The following DCC variants were observed in gnomAD, a reference collection of about 807,000 sequenced individuals.
DCC encodes the protein netrin receptor DCC.
DCC carries 58 observed loss-of-function variants against 172.5 expected under a neutral mutation model. The observed-to-expected ratio is 0.34, with a 90% CI of 0.27 to 0.42. DCC has a LOEUF of 0.42. Among genes scored for constraint, DCC ranks in the 10% least tolerant of loss-of-function variants. The pLI, the probability that DCC is intolerant of heterozygous loss-of-function variation, is 1.00. For missense variants in DCC, 1,740 were observed against 1,791.0 expected, an observed-to-expected ratio of 0.97 and a Z score of 0.51; for synonymous variants, 709 against 644.5, an observed-to-expected ratio of 1.10 and a Z score of -1.52.
chr18:52,569,291 G>A (rs1326891801), intron 1 of DCC, among the ~76,000 whole-genome samples: 1 of 152,166 alleles, frequency 6.6e-6, no homozygotes, highest in African/African-American at 2.4e-5. Flanking sequence ...GTATAGATTT[G>A]CACAAATTAT....
At chr18:53,128,963 T>A (rs1041323027) in intron 7 of DCC, among the ~76,000 whole-genome samples, 1 of 149,404 alleles carries the variant, frequency 6.7e-6, no homozygotes, top group Non-Finnish European at 1.5e-5. Flanking sequence ...CTCAGCACAC[T>A]GCAACCTGCA....
intron 7 of DCC, among the ~76,000 whole-genome samples, chr18:53,132,759 G>T (rs2043677832): frequency 6.6e-6 from 1 of 152,014 alleles, no homozygotes; most frequent in Non-Finnish European, 1.5e-5. Flanking sequence ...GTCAGGCCAG[G>T]GTTCATCTTC....
chr18:52,653,507 G>T (rs1301283238), intron 1 of DCC, among the ~76,000 whole-genome samples: 1 of 152,044 alleles, frequency 6.6e-6, no homozygotes. Context: ...TAATTACATC[G>T]ATGAATAATT....
intron 7 of DCC, among the ~76,000 whole-genome samples, chr18:53,099,654 T>C (rs1176382621): frequency 1.3e-5 from 2 of 152,130 alleles, no homozygotes; most frequent in African/African-American, 2.4e-5. Context: ...CCTCTAATGA[T>C]TGACAACAGG....
intron 24 of DCC, among the ~76,000 whole-genome samples, chr18:53,467,186 A>G (rs916138960): frequency 1.3e-5 from 2 of 152,134 alleles, no homozygotes; most frequent in Admixed American, 1.3e-4. Context: ...ATATATTCAT[A>G]TACACATAGA....
intron 1 of DCC, among the ~76,000 whole-genome samples, chr18:52,588,657 G>A (rs1967181200): frequency 6.6e-6 from 1 of 152,150 alleles, no homozygotes; most frequent in African/African-American, 2.4e-5. Context: ...TGTTTAAGCT[G>A]AGACTTCAAG....
chr18:53,140,237 G>T (rs1290489434), intron 7 of DCC, among the ~76,000 whole-genome samples: 1 of 152,048 alleles, frequency 6.6e-6, no homozygotes, highest in Non-Finnish European at 1.5e-5. Flanking sequence ...GATTTGCTCA[G>T]TTTTAAAATA....
At chr18:53,483,116 CTT>C (rs1020177637) in intron 25 of DCC, among the ~76,000 whole-genome samples, 8 of 151,830 alleles carry the variant, frequency 5.3e-5, no homozygotes, top group Non-Finnish European at 8.8e-5. Flanking sequence ...AAAATTATAA[CTT>C]ATTTCTTTAA....
intron 7 of DCC, among the ~76,000 whole-genome samples, chr18:53,149,527 C>A (rs959853901): frequency 1.3e-5 from 2 of 152,174 alleles, no homozygotes; most frequent in Non-Finnish European, 2.9e-5. Context: ...GATGCCCTAG[C>A]CACCTCGCCA....
At chr18:52,482,107 T>C (rs2144584723) in intron 1 of DCC, among the ~76,000 whole-genome samples, 1 of 152,160 alleles carries the variant, frequency 6.6e-6, no homozygotes, top group East Asian at 1.9e-4. Context: ...CCCACCCATA[T>C]GCAACGCTTA....
chr18:53,246,480 C>G (rs569326590), intron 12 of DCC, among the ~76,000 whole-genome samples: 34 of 151,406 alleles, frequency 2.2e-4, no homozygotes, highest in Admixed American at 1.1e-3. Flanking sequence ...TATCTCAGCT[C>G]ATATTTCTTT....
Position 53,276,733 on chromosome 18 carries a change from A to G in DCC, c.1912-28845A>G, listed in dbSNP as rs183554907. 8.5e-4 allele frequency among the ~76,000 whole-genome samples: 130 copies of G among 152,176 alleles called. 1 individual carries two copies. The highest frequency in any genetic ancestry group is 2.8e-3 in the African/African-American group (115 of 41,562). ...CTTGAGTAGAAAGGAGCTTGGGAGA[A>G]GAAAGAGCCAAAATTGACAGTGGGA... is the stretch of plus-strand genomic sequence containing the variant. On this transcript the variant is annotated intron_variant, in intron 12 of 28. Transcript: ENST00000442544.
chr18:53,440,054 C>T (rs948952147), intron 22 of DCC, among the ~76,000 whole-genome samples: 13 of 151,692 alleles, frequency 8.6e-5, no homozygotes, highest in Admixed American at 6.6e-4. Flanking sequence ...CGTGAGCCAC[C>T]GCGCCCGGCC....
intron 2 of DCC, among the ~76,000 whole-genome samples, chr18:52,893,380 T>C (rs2039680721): frequency 6.6e-6 from 1 of 152,138 alleles, no homozygotes; most frequent in Admixed American, 6.5e-5. Flanking sequence ...ATGTATTCAA[T>C]GACTGCCACT....
intron 27 of DCC, among the ~76,000 whole-genome samples, chr18:53,525,508 C>T (rs1175804739): frequency 6.6e-6 from 1 of 151,978 alleles, no homozygotes; most frequent in Non-Finnish European, 1.5e-5. Flanking sequence ...ATGCTTATGT[C>T]AGGATTTACC....
intron 5 of DCC, among the ~76,000 whole-genome samples, chr18:52,965,288 G>A (rs1718092883): frequency 6.6e-6 from 1 of 152,076 alleles, no homozygotes. Flanking sequence ...AACAGACTAA[G>A]TACTAGAAGT....
chr18:52,525,767 G>A (rs1175004262), intron 1 of DCC, among the ~76,000 whole-genome samples: 1 of 152,160 alleles, frequency 6.6e-6, no homozygotes, highest in Non-Finnish European at 1.5e-5. Flanking sequence ...CTCCTACTAA[G>A]AATGATGACA....
chr18:53,028,700 T>G (rs2041988916), intron 5 of DCC, among the ~76,000 whole-genome samples: 1 of 152,180 alleles, frequency 6.6e-6, no homozygotes, highest in South Asian at 2.1e-4. Flanking sequence ...GTCTCAATGT[T>G]AAACAGTAGC....
intron 22 of DCC, among the ~76,000 whole-genome samples, chr18:53,439,006 G>T (rs1912110766): frequency 6.6e-6 from 1 of 152,170 alleles, no homozygotes; most frequent in African/African-American, 2.4e-5. Context: ...CATGCTAAAT[G>T]AATGAGATGA....
Sources: gnomAD v4.1 joint callset for allele counts (sites outside exome capture counted in the v4.1 genomes callset) on GRCh38, gnomAD v4.1.1 for gene constraint, MANE v1.5 for transcripts, NCBI Gene and HGNC (gene_info 2026-07-23, HGNC 2026-07-21) for gene names.